ZNF749: variants seen among roughly 807,000 people sequenced by gnomAD.
ZNF749 encodes the protein zinc finger protein 749.
A neutral mutation model predicts 7.3 loss-of-function variants in ZNF749; 8 were observed. The observed-to-expected ratio is 1.10, with a 90% CI of 0.64 to 1.98. The LOEUF (loss-of-function observed/expected upper bound fraction) is 1.98. ZNF749 is among the 30% of genes most tolerant of loss of function. The pLI is 0.00. For missense variants in ZNF749, 898 were observed against 932.4 expected (o/e 0.96, Z 0.48); for synonymous variants, 310 against 322.4 (o/e 0.96, Z 0.41).
At chr19:57,432,445 C>T (rs375284535), upstream of ZNF749, among the ~76,000 whole-genome samples, 19 of 151,192 alleles carry the variant, frequency 1.3e-4, no homozygotes, top group African/African-American at 4.6e-4. Context: ...GCCTGTAGTC[C>T]CAGCTACTCG....
rs1161820098 is a variant in ZNF749 at position 57,445,680 on chromosome 19, G to A, written c.*195G>A. 3.8e-6 allele frequency: 2 copies of A among 525,372 alleles called. No individual in the cohort carries two copies. Among genetic ancestry groups the A allele is most frequent in the Non-Finnish European group, 4.9e-6 (2 of 409,906 alleles). 32.5% of individuals were successfully genotyped at this position (525,372 alleles called of 1,614,324 possible). A position where few individuals can be genotyped will look rare whatever the true frequency, so the allele number is the denominator to read the frequency against. On this transcript the variant is annotated 3_prime_UTR_variant, in exon 3 of 3. Coordinates refer to ENST00000334181, the MANE Select transcript of ZNF749 (RefSeq NM_001023561.4). ...GTGGTGGCTCACGCCTGTAATCCCA[G>A]CACTTTGGGAGGCAGAGGTGGGTGG...
rs2123097395 is a variant in ZNF749, at chr19:57,439,761, A to G, written c.16-2124A>G. Among the ~76,000 whole-genome samples the G allele has an allele frequency of 6.6e-6, 1 of 152,308 alleles. No homozygotes were observed. Among genetic ancestry groups the G allele is most frequent in the East Asian group, 1.9e-4 (1 of 5,186 alleles). On this transcript the variant is annotated intron_variant, in intron 1 of 2. Coordinates refer to ENST00000334181, the MANE Select transcript of ZNF749 (RefSeq NM_001023561.4). The surrounding 1 kb of genome is among the most constrained non-coding windows in gnomAD (Gnocchi z 4.3). ...AACAGAGTAAGACAAACAAAAACAA[A>G]AATCCAAGCCAAAACAAAAACAAAA...
In ZNF749 at chr19:57,445,068, T is replaced by C. The variant is rs370093283; in HGVS notation, c.1920T>C (p.Tyr640=). 1.7e-5 allele frequency: 28 copies of C among 1,613,874 alleles called. No homozygotes were observed. The African/African-American group carries it at 2.4e-4, about 14-fold the overall frequency. Residue 640 remains tyrosine, a synonymous_variant, in exon 3 of 3, where the codon TAT becomes TAC. Transcript: ENST00000334181. ...AAGTTCACACTGGAGAAAGACCTTA[T>C]GAGTGTAGTGAATGTGGGAAATTTT... ...HQKVHTGERP[Y]ECSECGKFFR...
Position 57,435,550 on chromosome 19 carries a change from C to T in ZNF749, c.-29C>T. 1.2e-6 allele frequency: 2 copies of T among 1,601,368 alleles called. No homozygotes were observed. The highest frequency in any genetic ancestry group is 1.7e-6 in the Non-Finnish European group (2 of 1,175,574). ...TGACCGCCGTTCCCGCCCCGCTCTT[C>T]CCTGGGTGGACTGGAGGAGGCCGCG... On this transcript the variant is annotated 5_prime_UTR_variant, in exon 1 of 3. Transcript: ENST00000334181.
upstream of ZNF749, chr19:57,435,221 C>A (rs915158394): frequency 4.8e-6 from 2 of 414,702 alleles, no homozygotes; most frequent in African/African-American, 4.2e-5. Context: ...CAGGCAGCAA[C>A]GTGAGAACTA....
Position 57,444,567 on chromosome 19 carries a change from C to T in ZNF749, c.1419C>T (p.His473=). ...CAAAAAGGTCTGACCTCATTCAACA[C>T]AAGAGGATTGACATTAGGCCAAGGC... ...AFSKRSDLIQ[H]KRIDIRPRPY... is the part of the protein sequence containing the mutation. Residue 473 remains histidine (H), a synonymous_variant, in exon 3 of 3, where the codon CAC becomes CAT. Transcript: ENST00000334181. 6.2e-7 allele frequency: 1 copy of T among 1,613,580 alleles called. No homozygotes were observed.
rs1338963878 is a variant in ZNF749, at chr19:57,436,444, AG to A, written c.15+854del. ...TCAGATTTGGAGGAAAGACCATGGTAGGGAGGGCATCTCTGATACTCCCTGC... is the reference window on the plus strand; with the variant it reads ...TCAGATTTGGAGGAAAGACCATGGTAGGAGGGCATCTCTGATACTCCCTGC... On this transcript the variant is annotated intron_variant, in intron 1 of 2. Coordinates refer to ENST00000334181, the MANE Select transcript of ZNF749 (RefSeq NM_001023561.4). This position sits in a 1 kb window ranked among gnomAD's most constrained non-coding sequence, Gnocchi z 4.0. Among the ~76,000 whole-genome samples the A allele has an allele frequency of 6.6e-6, 1 of 152,168 alleles. No homozygotes were observed. The highest frequency in any genetic ancestry group is 1.5e-5 in the Non-Finnish European group (1 of 68,016).
In ZNF749 at chr19:57,445,213, G is replaced by A; in HGVS notation, c.2065G>A (p.Val689Ile). 1.2e-6 allele frequency: 2 copies of A among 1,614,048 alleles called. No individual in the cohort carries two copies. The highest frequency in any genetic ancestry group is 1.3e-5 in the African/African-American group (1 of 75,040). ...YRSTFIKHHK[V>I]CTGEKPHECS... ...CTCTACATTCATTAAACATCATAAA[G>A]TTTGCACTGGGGAGAAGCCTCATGA... Residue 689 changes from valine to isoleucine, a missense_variant, in exon 3 of 3, where the codon GTT becomes ATT. Val to Ile is a conservative substitution (Grantham distance 29, BLOSUM62 3). Coordinates refer to ENST00000334181, the MANE Select transcript of ZNF749 (RefSeq NM_001023561.4).
chr19:57,443,585 A>C lies in ZNF749; in HGVS notation c.437A>C (p.His146Pro), dbSNP rs1258601239. The C allele has an allele frequency of 6.2e-7, 1 of 1,614,238 alleles. No homozygotes were observed. Among genetic ancestry groups the C allele is most frequent in the Non-Finnish European group, 8.5e-7 (1 of 1,180,030 alleles). The change falls in exon 3 of 3, where the codon CAC becomes CCC. Residue 146 changes from histidine (H) to proline (P), a missense_variant. By Grantham distance (77) the His-to-Pro change is moderately conservative. Coordinates refer to ENST00000334181, the MANE Select transcript of ZNF749 (RefSeq NM_001023561.4). ...WRPSFVNHSAHVGERNFTCTQ... is the reference protein window; with the variant it reads ...WRPSFVNHSAPVGERNFTCTQ... ...CCTTCATTTGTGAACCACAGTGCTC[A>C]CGTGGGAGAGAGGAACTTCACATGC...
Position 57,445,154 on chromosome 19 carries a change from A to T in ZNF749, c.2006A>T (p.Glu669Val), listed in dbSNP as rs1408499567. The part of the protein sequence containing the change: ...QRVHTGEKPY[E>V]CSNCGKFLRY... ...GTTCATACTGGAGAAAAGCCTTATG[A>T]ATGCAGCAACTGTGGGAAGTTTCTT... The change falls in exon 3 of 3, where the codon GAA (glutamate) becomes GTA (valine). Residue 669 changes from glutamate (E) to valine (V), a missense_variant. By Grantham distance (121) the Glu-to-Val change is moderately radical. Coordinates refer to ENST00000334181, the MANE Select transcript of ZNF749 (RefSeq NM_001023561.4). 1 of 1,614,194 alleles carries T rather than the reference A, an allele frequency of 6.2e-7. No homozygotes were observed. The highest frequency in any genetic ancestry group is 8.5e-7 in the Non-Finnish European group (1 of 1,180,026).
chr19:57,445,212 A>G lies in ZNF749; in HGVS notation c.2064A>G (p.Lys688=), dbSNP rs1169904390. 1 of 1,614,078 alleles carries G rather than the reference A, an allele frequency of 6.2e-7. No homozygotes were observed. The highest frequency in any genetic ancestry group is 1.1e-5 in the South Asian group (1 of 91,078). Residue 688 remains lysine, a synonymous_variant, in exon 3 of 3, where the codon AAA becomes AAG. Transcript: ENST00000334181. ...GCTCTACATTCATTAAACATCATAAAGTTTGCACTGGGGAGAAGCCTCATG... is the reference window on the plus strand; with the variant it reads ...GCTCTACATTCATTAAACATCATAAGGTTTGCACTGGGGAGAAGCCTCATG... ...RYRSTFIKHH[K]VCTGEKPHEC...
upstream of ZNF749, among the ~76,000 whole-genome samples, chr19:57,432,959 C>T (rs1421219660): frequency 6.6e-6 from 1 of 152,140 alleles, no homozygotes; most frequent in African/African-American, 2.4e-5. Flanking sequence ...ACAAACATAG[C>T]CTATTAAATC....
At position 57,445,861 on chromosome 19, in the gene ZNF749, C is replaced by T. The variant is rs1288156815; in HGVS notation, c.*376C>T. ...GGGAGCATCACTTGAACCTGGGAGG[C>T]GGAGGTTGCAGTGAACTGAGATTGT... On this transcript the variant is annotated 3_prime_UTR_variant, in exon 3 of 3. Transcript: ENST00000334181. 6.6e-6 allele frequency among the ~76,000 whole-genome samples: 1 copy of T among 152,078 alleles called. No homozygotes were observed. The highest frequency in any genetic ancestry group is 6.5e-5 in the Admixed American group (1 of 15,270).
rs2089047993 is a variant in ZNF749, at chr19:57,445,159, A to T, written c.2011A>T (p.Ser671Cys). ...VHTGEKPYECSNCGKFLRYRS... is the reference protein window; with the variant it reads ...VHTGEKPYECCNCGKFLRYRS... ...TACTGGAGAAAAGCCTTATGAATGC[A>T]GCAACTGTGGGAAGTTTCTTAGATA... Residue 671 changes from serine (S) to cysteine (C), a missense_variant, in exon 3 of 3, where the codon AGC becomes TGC. Physicochemically the swap from Ser to Cys is moderately radical, Grantham distance 112. Coordinates refer to ENST00000334181, the MANE Select transcript of ZNF749 (RefSeq NM_001023561.4). 1 of 1,614,204 alleles carries T rather than the reference A, an allele frequency of 6.2e-7. No individual in the cohort carries two copies. The highest frequency in any genetic ancestry group is 1.1e-5 in the South Asian group (1 of 91,078).
At chr19:57,431,967 C>T (rs551080902), upstream of ZNF749, among the ~76,000 whole-genome samples, 4 of 152,028 alleles carry the variant, frequency 2.6e-5, no homozygotes, top group Admixed American at 6.5e-5. Context: ...GGATTATAGG[C>T]GCATGCCTGG....
upstream of ZNF749, among the ~76,000 whole-genome samples, chr19:57,431,004 C>T (rs1425168042): frequency 7.1e-6 from 1 of 140,130 alleles, no homozygotes; most frequent in African/African-American, 2.7e-5. Flanking sequence ...TGTGCCACTG[C>T]ACTCCAGCCT....
chr19:57,435,386 T>G lies in ZNF749; in HGVS notation c.-193T>G, dbSNP rs1052135514. On this transcript the variant is annotated 5_prime_UTR_variant, in exon 1 of 3. It introduces an in-frame stop codon into an upstream open reading frame of the 5' UTR. Transcript: ENST00000334181. ...CTACCTAGGGATCTGTTCACTGATT[T>G]AGAGGGTCCCAGAGCTCTGGGTCGG... 4 of 791,398 alleles carry G rather than the reference T, an allele frequency of 5.1e-6. No individual in the cohort carries two copies. The highest frequency in any genetic ancestry group is 1.7e-5 in the African/African-American group (1 of 57,756). 49.0% of individuals were successfully genotyped at this position (791,398 alleles called of 1,614,324 possible).
chr19:57,431,402 C>G (rs559568123), upstream of ZNF749, among the ~76,000 whole-genome samples: 14 of 152,138 alleles, frequency 9.2e-5, no homozygotes, highest in Admixed American at 3.9e-4. Context: ...ACTTAGAAAC[C>G]TAAACACTAG....
At position 57,443,232 on chromosome 19, in the gene ZNF749, G is replaced by A. The variant is rs2089011086; in HGVS notation, c.143-59G>A. 6 of 1,432,490 alleles carry A rather than the reference G, an allele frequency of 4.2e-6. No homozygotes were observed. In the East Asian group the frequency reaches 9.1e-5, roughly 22 times the overall value. The allele number at this position is 1,432,490 out of a possible 1,614,324, so 88.7% of individuals were successfully genotyped here. ...GGTGTGTCTCACAGACATTTGTGAT[G>A]GGGCTGTCTCCTCCCTCCGGAGTTC... is the stretch of plus-strand genomic sequence containing the variant. On this transcript the variant is annotated intron_variant, in intron 2 of 2. Transcript: ENST00000334181.
Sources: allele counts gnomAD v4.1 joint callset (sites outside exome capture counted in the v4.1 genomes callset), GRCh38; gene constraint gnomAD v4.1.1; non-coding constraint Gnocchi (gnomAD v3.1); transcripts MANE v1.5; gene names NCBI Gene and HGNC (gene_info 2026-07-23, HGNC 2026-07-21).